Variants in NKTR observed in about 807,000 individuals in gnomAD.
NKTR encodes NK-tumor recognition protein.
Under a neutral mutation model 156.3 loss-of-function variants are expected in NKTR, and 67 were observed. The ratio of observed to expected loss-of-function variants is 0.43; its 90% CI spans 0.35 to 0.53. The LOEUF (loss-of-function observed/expected upper bound fraction) is 0.53, where lower values mean the gene tolerates loss of function less well. Ranked by LOEUF, NKTR falls within the 20% of genes least tolerant of loss-of-function variation. The pLI, the probability that NKTR is intolerant of heterozygous loss-of-function variation, is 0.01. For synonymous variants in NKTR, 640 were observed against 596.6 expected, an observed-to-expected ratio of 1.07 and a Z score of -1.06; for missense variants, 1,604 against 1,730.9, an observed-to-expected ratio of 0.93 and a Z score of 1.30.
intron 2 of NKTR, chr3:42,611,203 T>G (rs1577439247): frequency 6.6e-6 from 1 of 152,094 alleles, no homozygotes; most frequent in South Asian, 2.1e-4. Flanking sequence ...AGCCAGTAAA[T>G]ATGTTCTCTT....
intron 2 of NKTR, among the ~76,000 whole-genome samples, chr3:42,608,987 G>A (rs970380815): frequency 6.6e-6 from 1 of 152,102 alleles, no homozygotes; most frequent in Non-Finnish European, 1.5e-5. Flanking sequence ...AATTAGCCGG[G>A]CATGGTGGCG....
At position 42,648,642 on chromosome 3, in the gene NKTR, A is replaced by C. The variant is rs377376760; in HGVS notation, c.*2667A>C. On this transcript the variant is annotated 3_prime_UTR_variant, in exon 17 of 17. Transcript: ENST00000232978. Reference sequence around the variant, plus strand: ...AAAACTGTATAAAATACTTTTGTACATATTAGCAATGTCTAATTTGTATAC... The same window carrying C: ...AAAACTGTATAAAATACTTTTGTACCTATTAGCAATGTCTAATTTGTATAC... The C allele has an allele frequency of 1.1e-4, 17 of 152,798 alleles. 1 individual carries two copies. In the East Asian group the frequency reaches 3.3e-3, roughly 29 times the overall value. The allele number at this position is 152,798 out of a possible 1,614,324, so 9.5% of individuals were successfully genotyped here.
In NKTR at chr3:42,646,083, A is replaced by G; in HGVS notation, c.*108A>G. The G allele has an allele frequency of 1.4e-6, 1 of 721,926 alleles. No individual in the cohort carries two copies. The highest frequency in any genetic ancestry group is 2.4e-6 in the Non-Finnish European group (1 of 418,334). 44.7% of individuals were successfully genotyped at this position (721,926 alleles called of 1,614,324 possible). On this transcript the variant is annotated 3_prime_UTR_variant, in exon 17 of 17. Transcript: ENST00000232978. ...TTTCAATATCAGAGGTGAATTTCAA[A>G]AATAGACACTTCTTAATTGTTACTG...
chr3:42,643,159 T>A (rs1710041550), intron 14 of NKTR, among the ~76,000 whole-genome samples, 180 bp from the exon 15 acceptor site: 1 of 152,234 alleles, frequency 6.6e-6, no homozygotes, highest in African/African-American at 2.4e-5. Flanking sequence ...AACTTGATCT[T>A]ATGAAATCCA....
At chr3:42,615,120 G>A (rs758646706) in intron 2 of NKTR, among the ~76,000 whole-genome samples, 5 of 150,038 alleles carry the variant, frequency 3.3e-5, no homozygotes, top group African/African-American at 4.9e-5. Context: ...ACTGTGTCGC[G>A]CAGGCTGGAG....
At chr3:42,607,862 T>C (rs747425320) in intron 2 of NKTR, among the ~76,000 whole-genome samples, 1 of 152,002 alleles carries the variant, frequency 6.6e-6, no homozygotes, top group African/African-American at 2.4e-5. Context: ...AATTTGATTC[T>C]GGACACTATC....
intron 16 of NKTR, 95 bp from the exon 17 acceptor site, chr3:42,645,793 T>C (rs1710312467): frequency 1.4e-6 from 1 of 708,470 alleles, no homozygotes; most frequent in Non-Finnish European, 2.4e-6. Context: ...ACACTATTGA[T>C]GTTTTCAAGC....
At chr3:42,605,258 C>A (rs1706125740) in intron 2 of NKTR, among the ~76,000 whole-genome samples, 1 of 152,106 alleles carries the variant, frequency 6.6e-6, no homozygotes, top group Non-Finnish European at 1.5e-5. Context: ...AAGTGGATTT[C>A]TTCTGGATAG....
intron 5 of NKTR, chr3:42,621,124 C>G (rs1160462888): frequency 2.0e-6 from 2 of 991,136 alleles, no homozygotes; most frequent in Non-Finnish European, 2.4e-6. Context: ...TTAGTTTTCC[C>G]TGAAAGTTAA....
At position 42,632,613 on chromosome 3, in the gene NKTR, AAAGG is replaced by A; in HGVS notation, c.567_570del (p.Lys190AsnfsTer64). Reference sequence around the variant, plus strand: ...TGTTTCTTAAAAGTTTTTGAGAAAAAAAGGAAGAAACCAACTCATTCAGAAGGCT... The same window carrying A: ...TGTTTCTTAAAAGTTTTTGAGAAAAAAAGAAACCAACTCATTCAGAAGGCT... On this transcript the variant is annotated frameshift_variant, in exon 9 of 17. Coordinates refer to ENST00000232978, the MANE Select transcript of NKTR (RefSeq NM_005385.4). LOFTEE classifies it high-confidence loss of function. The A allele has an allele frequency of 6.3e-7, 1 of 1,598,780 alleles. No individual in the cohort carries two copies. Among genetic ancestry groups the A allele is most frequent in the Non-Finnish European group, 8.5e-7 (1 of 1,175,394 alleles).
intron 6 of NKTR, among the ~76,000 whole-genome samples, chr3:42,624,567 T>C (rs1001879359): frequency 3.9e-5 from 6 of 152,140 alleles, no homozygotes; most frequent in Admixed American, 3.3e-4. Context: ...TGCTAAATTC[T>C]TGAAAAGTCA....
rs779516207 is a variant in NKTR, at chr3:42,633,690, T to C, written c.884T>C (p.Phe295Ser). 1 of 1,614,076 alleles carries C rather than the reference T, an allele frequency of 6.2e-7. No individual in the cohort carries two copies. Among genetic ancestry groups the C allele is most frequent in the African/African-American group, 1.3e-5 (1 of 75,028 alleles). The change falls in exon 10 of 17, where the codon TTT (phenylalanine) becomes TCT (serine). Residue 295 changes from phenylalanine (F) to serine (S), a missense_variant. Coordinates refer to ENST00000232978, the MANE Select transcript of NKTR (RefSeq NM_005385.4). ...ATTCCTCCAGTGCCTGAGAACCGAT[T>C]TTTACTGAGAAGAGATATGCCTGTT... ...EEIPPVPENRFLLRRDMPVVT... is the reference protein window; with the variant it reads ...EEIPPVPENRSLLRRDMPVVT...
intron 6 of NKTR, chr3:42,623,949 T>TA (rs747090816): frequency 6.6e-6 from 1 of 152,184 alleles, no homozygotes; most frequent in Non-Finnish European, 1.5e-5. Context: ...ACAAATCTGT[T>TA]ACTTTGCAAT....
In NKTR at chr3:42,630,593, A is replaced by C; in HGVS notation, c.404+18A>C. ...CTGGATGGGTAAGAGTTACATTCTT[A>C]CTACATTGGGGAAGTGTTTGGGTGG... On this transcript the variant is annotated intron_variant, in intron 7 of 16. Coordinates refer to ENST00000232978, the MANE Select transcript of NKTR (RefSeq NM_005385.4). 1 of 1,613,648 alleles carries C rather than the reference A, an allele frequency of 6.2e-7. No homozygotes were observed. Among genetic ancestry groups the C allele is most frequent in the Non-Finnish European group, 8.5e-7 (1 of 1,179,730 alleles).
chr3:42,619,157 T>TC (rs754026995), intron 4 of NKTR, 30 bp downstream of exon 4: 2 of 1,588,654 alleles, frequency 1.3e-6, no homozygotes, highest in African/African-American at 1.4e-5. Context: ...TCCTAATAAC[T>TC]CCATCTATCA....
Position 42,648,159 on chromosome 3 carries a change from T to C in NKTR, c.*2184T>C, listed in dbSNP as rs1020223847. On this transcript the variant is annotated 3_prime_UTR_variant, in exon 17 of 17. Coordinates refer to ENST00000232978, the MANE Select transcript of NKTR (RefSeq NM_005385.4). ...ATATCTCTCTCCCGTCCTCCTGTTT[T>C]AGGGGCATATGATTAGCTCAAGCCC... 5 of 152,254 alleles carry C rather than the reference T, an allele frequency of 3.3e-5. No homozygotes were observed. Among genetic ancestry groups the C allele is most frequent in the African/African-American group, 1.2e-4 (5 of 41,456 alleles). The allele number at this position is 152,254 out of a possible 1,614,324, so 9.4% of individuals were successfully genotyped here.
intron 3 of NKTR, among the ~76,000 whole-genome samples, chr3:42,618,314 G>A (rs1273146525): frequency 6.8e-6 from 1 of 147,210 alleles, no homozygotes; most frequent in Non-Finnish European, 1.5e-5. Context: ...TTGCGCCATT[G>A]CACTCCAGCC....
chr3:42,633,092 T>G, intron 9 of NKTR: 4 of 908,098 alleles, frequency 4.4e-6, no homozygotes, highest in Non-Finnish European at 5.6e-6. Flanking sequence ...CAGGCTGGAA[T>G]ACAGTGGCAC....
chr3:42,619,066 A>G lies in NKTR; in HGVS notation c.180A>G (p.Lys60=), dbSNP rs1707678587. Residue 60 remains lysine (K), a synonymous_variant, in exon 4 of 17, where the codon AAA becomes AAG. Coordinates refer to ENST00000232978, the MANE Select transcript of NKTR (RefSeq NM_005385.4). ...CAACTGGGAAGAAGTTATGTTATAA[A>G]GGTTCTACGTTCCATCGTGTGGTTA... ...GKTTGKKLCY[K]GSTFHRVVKN... is the part of the protein sequence containing the mutation. The G allele has an allele frequency of 6.2e-7, 1 of 1,609,130 alleles. No individual in the cohort carries two copies. The highest frequency in any genetic ancestry group is 8.5e-7 in the Non-Finnish European group (1 of 1,178,192).
Sources: gnomAD v4.1 joint callset for allele counts (sites outside exome capture counted in the v4.1 genomes callset) on GRCh38, gnomAD v4.1.1 for gene constraint, MANE v1.5 for transcripts, NCBI Gene and HGNC (gene_info 2026-07-23, HGNC 2026-07-21) for gene names.